The following MAGEA11 variants were observed in gnomAD, a reference collection of about 807,000 sequenced individuals.
The protein encoded by MAGEA11 is MAGE family member A11.
Under a neutral mutation model 8.4 loss-of-function variants are expected in MAGEA11, and 1 was observed. The observed-to-expected ratio is 0.12, with a 90% CI of 0.04 to 0.57. MAGEA11 has a LOEUF of 0.57. Ranked by LOEUF, MAGEA11 falls within the 20% of genes least tolerant of loss-of-function variation. MAGEA11 has a pLI of 0.91. For synonymous variants in MAGEA11, 127 were observed against 119.3 expected, an observed-to-expected ratio of 1.06 and a Z score of -0.42; for missense variants, 209 against 317.3, an observed-to-expected ratio of 0.66 and a Z score of 2.59.
chrX:149,715,582 GC>G (rs1557362355), intron 3 of MAGEA11, 21 bp from the exon 4 acceptor site: 1 of 1,142,170 alleles, frequency 8.8e-7, no homozygotes, highest in Admixed American at 2.2e-5. Flanking sequence ...ATCTTGAGCA[GC>G]CTTCTCACTT....
chrX:149,692,879 T>C (rs1164586753), intron 1 of MAGEA11, among the ~76,000 whole-genome samples: 1 of 111,832 alleles, frequency 8.9e-6, no homozygotes, highest in Non-Finnish European at 1.9e-5. Flanking sequence ...GGAGTTTCCC[T>C]GCACAAGCTC....
At position 149,717,254 on chromosome X, in the gene MAGEA11, G is replaced by T. The variant is rs947642380; in HGVS notation, c.*478G>T. 1.7e-5 allele frequency: 2 copies of T among 114,648 alleles called. No homozygotes were observed. The highest frequency in any genetic ancestry group is 6.5e-5 in the African/African-American group (2 of 30,806). 9.4% of individuals were successfully genotyped at this position (114,648 alleles called of 1,213,427 possible). On this transcript the variant is annotated 3_prime_UTR_variant, in exon 5 of 5. Coordinates refer to ENST00000355220, the MANE Select transcript of MAGEA11 (RefSeq NM_005366.5). ...GGTGTTGTGAAACAGAGAAATAAAA[G>T]GAGAAGGTCATTAATTCTTGTCTTC... is the stretch of plus-strand genomic sequence containing the variant.
intron 1 of MAGEA11, among the ~76,000 whole-genome samples, chrX:149,706,375 T>G (rs1557361476): frequency 9.0e-6 from 1 of 111,167 alleles, no homozygotes. Context: ...GACAAAACAG[T>G]TCGGCATCAC....
At chrX:149,693,995 T>C (rs1325672097) in intron 1 of MAGEA11, among the ~76,000 whole-genome samples, 1 of 112,328 alleles carries the variant, frequency 8.9e-6, no homozygotes, top group South Asian at 3.7e-4. Flanking sequence ...ATTTCCACTT[T>C]TTGGTATTAT....
At chrX:149,695,740 T>C (rs2090328136) in intron 1 of MAGEA11, among the ~76,000 whole-genome samples, 1 of 112,148 alleles carries the variant, frequency 8.9e-6, no homozygotes. Context: ...AAAATGACAA[T>C]AATGTGTTGA....
At chrX:149,694,532 T>C (rs2090322711) in intron 1 of MAGEA11, among the ~76,000 whole-genome samples, 1 of 112,081 alleles carries the variant, frequency 8.9e-6, no homozygotes, top group East Asian at 2.8e-4. Flanking sequence ...TTTGATGATG[T>C]CCTTTGAAGT....
Position 149,715,774 on chromosome X carries a change from G to A in MAGEA11, c.288G>A (p.Gln96=). ...GEQVLWGPIT[Q]IFPTVRPADL... is the part of the protein sequence containing the mutation. ...CCAGGCTGTGGGGCCCCATCACCCA[G>A]ATATTTCCCACAGTTCGGCCTGCTG... The change falls in exon 5 of 5, where the codon CAG becomes CAA. Residue 96 remains glutamine (Q), a synonymous_variant. Transcript: ENST00000355220. 1 of 1,202,243 alleles carries A rather than the reference G, an allele frequency of 8.3e-7. No individual in the cohort carries two copies. Among genetic ancestry groups the A allele is most frequent in the Non-Finnish European group, 1.1e-6 (1 of 891,231 alleles).
Position 149,700,198 on chromosome X carries a change from T to C in MAGEA11, c.9+11214T>C, listed in dbSNP as rs781833111. ...ATTATAGTTTAGATATGTTTAGTTA[T>C]AAGCTCAGAAGAGATTCTTATTTTC... On this transcript the variant is annotated intron_variant, in intron 1 of 3. Transcript: ENST00000333104. Among the ~76,000 whole-genome samples, 7 of 112,576 alleles carry C rather than the reference T, an allele frequency of 6.2e-5. No homozygotes were observed. In the East Asian group the frequency reaches 2.0e-3, roughly 31 times the overall value.
chrX:149,710,454 GT>G (rs2124300077), upstream of MAGEA11, among the ~76,000 whole-genome samples: 1 of 111,023 alleles, frequency 9.0e-6, no homozygotes, highest in South Asian at 3.9e-4. Flanking sequence ...GTTTGGTTTG[GT>G]TTTGTTTTTT....
At chrX:149,692,406 CAA>C (rs375482933) in intron 1 of MAGEA11, among the ~76,000 whole-genome samples, 1 of 94,859 alleles carries the variant, frequency 1.1e-5, no homozygotes, top group African/African-American at 3.8e-5. Context: ...GACCCTGTCT[CAA>C]AAAAAAAAAA....
intron 1 of MAGEA11, among the ~76,000 whole-genome samples, chrX:149,702,151 G>A (rs1478394942): frequency 1.8e-5 from 2 of 111,778 alleles, no homozygotes; most frequent in Non-Finnish European, 3.8e-5. Flanking sequence ...ATATTCCGCT[G>A]TTTTGGGTGC....
upstream of MAGEA11, among the ~76,000 whole-genome samples, chrX:149,710,332 A>G (rs1282294802): frequency 8.9e-6 from 1 of 112,792 alleles, no homozygotes; most frequent in Non-Finnish European, 1.9e-5. Flanking sequence ...TATCATTGAT[A>G]GGGAACAGAA....
chrX:149,698,769 TC>T (rs2090340069), intron 1 of MAGEA11, among the ~76,000 whole-genome samples: 1 of 111,141 alleles, frequency 9.0e-6, no homozygotes, highest in South Asian at 4.0e-4. Context: ...TTGCTCTCTT[TC>T]CCTTGCACCA....
chrX:149,698,793 A>G (rs1222358908), intron 1 of MAGEA11, among the ~76,000 whole-genome samples: 1 of 110,032 alleles, frequency 9.1e-6, no homozygotes, highest in Admixed American at 9.7e-5. Flanking sequence ...GACAGGCCCC[A>G]TTGTATGTTG....
At chrX:149,688,717 C>CATACAT (rs2090298266), upstream of MAGEA11, 2 of 201,906 alleles carry the variant, frequency 9.9e-6, no homozygotes, top group African/African-American at 7.5e-5. Context: ...TACACATACA[C>CATACAT]ATACATATAC....
chrX:149,715,659 T>C lies in MAGEA11; in HGVS notation c.248T>C (p.Ile83Thr). 2 of 1,207,180 alleles carry C rather than the reference T, an allele frequency of 1.7e-6. No individual in the cohort carries two copies. The highest frequency in any genetic ancestry group is 2.2e-6 in the Non-Finnish European group (2 of 891,620). ...AGGAGTCCCAGGAGAACCCAGAGGA[T>C]CACTGGAGGAGAACAAGTGTAAGTA... is the stretch of plus-strand genomic sequence containing the variant. ...EDRSPRRTQRITGGEQVLWGP... is the reference protein window; with the variant it reads ...EDRSPRRTQRTTGGEQVLWGP... Residue 83 changes from isoleucine (I) to threonine (T), a missense_variant, in exon 4 of 5, where the codon ATC becomes ACC. Ile to Thr is a moderately conservative substitution (Grantham distance 89). Coordinates refer to ENST00000355220, the MANE Select transcript of MAGEA11 (RefSeq NM_005366.5).
chrX:149,705,828 G>C lies in MAGEA11; in HGVS notation c.10-8653G>C, dbSNP rs886779182. Among the ~76,000 whole-genome samples the C allele has an allele frequency of 4.5e-5, 5 of 111,933 alleles. No individual in the cohort carries two copies. The East Asian group carries it at 1.1e-3, about 25-fold the overall frequency. ...TGTAACCACACAGGAGGCTGCTGTG[G>C]GATATGCTAGACCCTGGAAATGCCT... On this transcript the variant is annotated intron_variant, in intron 1 of 3. Transcript: ENST00000333104.
intron 1 of MAGEA11, among the ~76,000 whole-genome samples, chrX:149,697,545 C>A (rs903298696): frequency 1.8e-5 from 2 of 110,512 alleles, no homozygotes; most frequent in African/African-American, 3.3e-5. Flanking sequence ...TATGGAAGGT[C>A]CATGATGCCC....
intron 1 of MAGEA11, among the ~76,000 whole-genome samples, chrX:149,712,817 G>T (rs1382112971): frequency 2.7e-5 from 3 of 112,028 alleles, no homozygotes; most frequent in Admixed American, 9.3e-5. Flanking sequence ...GGCTGGTTGG[G>T]GGGGGCAGGA....
Sources: allele counts gnomAD v4.1 joint callset (sites outside exome capture counted in the v4.1 genomes callset), GRCh38; gene constraint gnomAD v4.1.1; transcripts MANE v1.5; gene names NCBI Gene and HGNC (gene_info 2026-07-23, HGNC 2026-07-21).